The following KIAA0825 variants were observed in gnomAD, a reference collection of about 807,000 sequenced individuals.
KIAA0825 encodes uncharacterized protein KIAA0825.
In KIAA0825, 119 loss-of-function variants were observed where a neutral mutation model predicts 147.6. That is an observed-to-expected ratio of 0.81 (90% CI 0.69 to 0.94). The LOEUF is 0.94. Among genes scored for constraint, KIAA0825 ranks in the 40% least tolerant of loss-of-function variants. The pLI is 0.00. For synonymous variants in KIAA0825, 470 were observed against 518.1 expected (o/e 0.91, Z 1.26); for missense variants, 1,381 against 1,472.7 (o/e 0.94, Z 1.02).
intron 20 of KIAA0825, among the ~76,000 whole-genome samples, chr5:94,366,906 C>T (rs558253315): frequency 6.2e-4 from 94 of 152,274 alleles, no homozygotes; most frequent in African/African-American, 2.1e-3. Context: ...CTGGCTGGAA[C>T]GGGACCTCAC....
At chr5:94,587,113 T>C (rs537751791) in intron 1 of KIAA0825, among the ~76,000 whole-genome samples, 3 of 152,248 alleles carry the variant, frequency 2.0e-5, no homozygotes, top group South Asian at 4.1e-4. Context: ...ACTGGAAACA[T>C]TCTCTTTGAA....
At chr5:94,440,558 G>A (rs1473516452) in intron 13 of KIAA0825, among the ~76,000 whole-genome samples, 2 of 151,936 alleles carry the variant, frequency 1.3e-5, no homozygotes, top group African/African-American at 4.8e-5. Flanking sequence ...TATATAATGT[G>A]ATTGCAGATG....
intron 14 of KIAA0825, among the ~76,000 whole-genome samples, chr5:94,433,747 T>C (rs900888562): frequency 1.3e-5 from 2 of 152,224 alleles, no homozygotes; most frequent in East Asian, 3.8e-4. Flanking sequence ...AAACAATGTC[T>C]GGAACATGTT....
rs1321025938 is a variant in KIAA0825, at chr5:94,561,738, C to A, written c.-2+20695G>T. 3.9e-5 allele frequency among the ~76,000 whole-genome samples: 6 copies of A among 152,112 alleles called. No homozygotes were observed. In the East Asian group the frequency reaches 1.2e-3, roughly 29 times the overall value. On this transcript the variant is annotated intron_variant, in intron 2 of 20. Transcript: ENST00000682413. Reference sequence around the variant, plus strand: ...ATAGTTCCTCATATTTAACTTAATTCCTATTCCAATTAAATAATTATATTT... The same window carrying A: ...ATAGTTCCTCATATTTAACTTAATTACTATTCCAATTAAATAATTATATTT...
intron 20 of KIAA0825, among the ~76,000 whole-genome samples, chr5:94,342,056 C>T (rs571142644): frequency 7.9e-5 from 12 of 151,978 alleles, no homozygotes; most frequent in Non-Finnish European, 7.4e-5. Context: ...GTTAGCCGGG[C>T]GTGGTGGCAG....
At chr5:94,400,040 A>G (rs1362176781) in intron 16 of KIAA0825, among the ~76,000 whole-genome samples, 1 of 152,060 alleles carries the variant, frequency 6.6e-6, no homozygotes, top group Non-Finnish European at 1.5e-5. Flanking sequence ...GTCACAGGTG[A>G]AAAAGCCACT....
rs144962844 is a variant in KIAA0825, at chr5:94,448,787, A to C, written c.2357+4172T>G. The stretch of plus-strand genomic sequence containing the variant: ...CACAGACAGCTGTTACAGGTGAGGG[A>C]AATGAATGGAAAGGTGAGATTTTTA... On this transcript the variant is annotated intron_variant, in intron 13 of 20. Coordinates refer to ENST00000682413, the MANE Select transcript of KIAA0825 (RefSeq NM_001145678.3). Among the ~76,000 whole-genome samples the C allele has an allele frequency of 3.4e-4, 52 of 152,276 alleles. 2 individuals carry two copies. The East Asian group carries it at 9.7e-3, about 28-fold the overall frequency.
chr5:94,225,102 T>A (rs12188453), intron 20 of KIAA0825, among the ~76,000 whole-genome samples: 3 of 152,152 alleles, frequency 2.0e-5, no homozygotes, highest in Non-Finnish European at 4.4e-5. Context: ...CCAAATTTTC[T>A]ACATACGTTT....
intron 5 of KIAA0825, among the ~76,000 whole-genome samples, chr5:94,516,908 C>CT (rs1206591593): frequency 1.3e-5 from 2 of 152,114 alleles, no homozygotes; most frequent in African/African-American, 4.8e-5. Flanking sequence ...GGAGACCAGC[C>CT]TGACCAAAAT....
At chr5:94,353,063 T>A (rs1488445510) in intron 20 of KIAA0825, among the ~76,000 whole-genome samples, 1 of 151,934 alleles carries the variant, frequency 6.6e-6, no homozygotes, top group Non-Finnish European at 1.5e-5. Context: ...TGTACCCCAA[T>A]AACTTATGGA....
At chr5:94,163,584 T>C (rs6884166) in intron 20 of KIAA0825, among the ~76,000 whole-genome samples, 2,795 of 152,268 alleles carry the variant, frequency 0.018, 93 homozygotes, top group African/African-American at 0.063. Flanking sequence ...AGGATGTTAT[T>C]ATAGTTAATT....
At chr5:94,343,248 C>G (rs2150337636) in intron 20 of KIAA0825, among the ~76,000 whole-genome samples, 2 of 152,228 alleles carry the variant, frequency 1.3e-5, no homozygotes, top group East Asian at 1.9e-4. Context: ...AATATGTTGA[C>G]AGCTAATTTA....
At chr5:94,263,351 G>T (rs558912164) in intron 20 of KIAA0825, among the ~76,000 whole-genome samples, 1 of 152,146 alleles carries the variant, frequency 6.6e-6, no homozygotes, top group African/African-American at 2.4e-5. Flanking sequence ...CTGAACCTAG[G>T]CCTCGTTATT....
chr5:94,487,094 A>G (rs953897258), intron 5 of KIAA0825, among the ~76,000 whole-genome samples: 1 of 152,202 alleles, frequency 6.6e-6, no homozygotes, highest in Non-Finnish European at 1.5e-5. Context: ...GCTGACAATT[A>G]TGCGAGGTCT....
At chr5:94,336,772 T>C (rs1781851140) in intron 20 of KIAA0825, among the ~76,000 whole-genome samples, 1 of 152,182 alleles carries the variant, frequency 6.6e-6, no homozygotes, top group Non-Finnish European at 1.5e-5. Context: ...TTTGGGTATA[T>C]ACCCAGTAAT....
At chr5:94,357,750 T>C (rs558498318) in intron 20 of KIAA0825, among the ~76,000 whole-genome samples, 1 of 152,288 alleles carries the variant, frequency 6.6e-6, no homozygotes, top group African/African-American at 2.4e-5. Context: ...ACTGCAGTCC[T>C]GCCATGGTAC....
At position 94,462,589 on chromosome 5, in the gene KIAA0825, G is replaced by T; in HGVS notation, c.2064-20C>A. ...TCAAGTCTGTTGGAAAGAAAGAAAA[G>T]AAAATCATGTTAAACAAAATAATGT... On this transcript the variant is annotated intron_variant, in intron 11 of 20. Transcript: ENST00000682413. The T allele has an allele frequency of 1.4e-6, 2 of 1,430,862 alleles. No homozygotes were observed. The highest frequency in any genetic ancestry group is 1.9e-6 in the Non-Finnish European group (2 of 1,077,530). 88.6% of individuals were successfully genotyped at this position (1,430,862 alleles called of 1,614,324 possible).
At chr5:94,169,464 C>G (rs1049470888) in intron 20 of KIAA0825, among the ~76,000 whole-genome samples, 1 of 151,854 alleles carries the variant, frequency 6.6e-6, no homozygotes, top group Admixed American at 6.6e-5. Flanking sequence ...TGCCTGTAAT[C>G]CCAGCATTTT....
intron 20 of KIAA0825, 45 bp from the exon 21 acceptor site, chr5:94,154,169 A>C (rs771317388): frequency 8.8e-7 from 1 of 1,134,774 alleles, no homozygotes. Context: ...CTTTCAAACC[A>C]CAGGTCAACA....
Sources: gnomAD v4.1 joint callset for allele counts (sites outside exome capture counted in the v4.1 genomes callset) on GRCh38, gnomAD v4.1.1 for gene constraint, MANE v1.5 for transcripts, NCBI Gene and HGNC (gene_info 2026-07-23, HGNC 2026-07-21) for gene names.